Variants in MACF1 observed in about 807,000 individuals in gnomAD.
MACF1 encodes the protein microtubule actin crosslinking factor 1.
In MACF1, 193 loss-of-function variants were observed where a neutral mutation model predicts 854.8. The ratio of observed to expected loss-of-function variants is 0.23; its 90% CI spans 0.20 to 0.25. The LOEUF (loss-of-function observed/expected upper bound fraction) is 0.25, where lower values mean the gene tolerates loss of function less well. Among genes scored for constraint, MACF1 ranks in the 10% least tolerant of loss-of-function variants. The probability of loss-of-function intolerance (pLI) is 1.00; values close to 1 mark genes in which losing one functional copy is unlikely to be tolerated. For missense variants in MACF1, 7,722 were observed against 8,929.1 expected (o/e 0.86, Z 5.45); for synonymous variants, 3,185 against 3,226.7 (o/e 0.99, Z 0.44).
chr1:39,336,039 G>A lies in MACF1; in HGVS notation c.9451G>A (p.Val3151Ile). The A allele has an allele frequency of 6.2e-7, 1 of 1,614,042 alleles. No homozygotes were observed. The highest frequency in any genetic ancestry group is 8.5e-7 in the Non-Finnish European group (1 of 1,180,012). Residue 3151 changes from valine (V) to isoleucine (I), a missense_variant, in exon 37 of 101, where the codon GTT (valine) becomes ATT (isoleucine). Physicochemically the swap from Val to Ile is conservative, Grantham distance 29 (BLOSUM62 3). Around this residue, in one of 15 missense-constraint regions of MACF1, gnomAD observed 854 missense variants for 852.6 expected, o/e 1.00. Transcript: ENST00000564288. ...RQETNYQDSW[V>I]TSKTKETKHQ... ...GGAGACCAACTATCAAGATTCCTGG[G>A]TTACTTCGAAAACTAAGGAAACCAA...
chr1:39,158,290 G>C (rs910846037), intron 2 of MACF1, among the ~76,000 whole-genome samples: 1 of 152,136 alleles, frequency 6.6e-6, no homozygotes, highest in African/African-American at 2.4e-5. Flanking sequence ...CTCCCTGAAT[G>C]GTTGTGCTTT....
At chr1:39,395,041 C>T (rs1187371254) in intron 58 of MACF1, among the ~76,000 whole-genome samples, 3 of 146,452 alleles carry the variant, frequency 2.0e-5, no homozygotes, top group Non-Finnish European at 4.5e-5. Context: ...ATGGATTTCT[C>T]AATTTCGGCA....
rs375225796 is a variant in MACF1 at position 39,333,240 on chromosome 1, G to A, written c.6652G>A (p.Asp2218Asn). 7.4e-6 allele frequency: 12 copies of A among 1,613,384 alleles called. No individual in the cohort carries two copies. Among genetic ancestry groups the A allele is most frequent in the Non-Finnish European group, 9.3e-6 (11 of 1,179,904 alleles). The stretch of plus-strand genomic sequence containing the variant: ...AAAGTTAGAACTAAAGTCTGAAACT[G>A]ATGGGAATGTTCATCCTCTGGACAA... ...GIKLELKSET[D>N]GNVHPLDKKE... The change falls in exon 37 of 101, where the codon GAT becomes AAT. Residue 2218 changes from aspartate (D) to asparagine (N), a missense_variant. Asp to Asn is a conservative substitution (Grantham distance 23). Transcript: ENST00000564288.
Position 39,422,840 on chromosome 1 carries a change from C to T in MACF1, c.16089C>T (p.Ala5363=), listed in dbSNP as rs1470727626. ...SWLADTEELI[A]NQKPPSAEYK... is the part of the protein sequence containing the mutation. The stretch of plus-strand genomic sequence containing the variant: ...TGGCAGATACCGAGGAGCTCATAGC[C>T]AATCAGAAACCTCCATCTGCTGAGT... The change falls in exon 60 of 101, where the codon GCC becomes GCT. Residue 5363 remains alanine, a synonymous_variant. Transcript: ENST00000564288. The T allele has an allele frequency of 1.2e-6, 2 of 1,614,152 alleles. No homozygotes were observed. Among genetic ancestry groups the T allele is most frequent in the South Asian group, 1.1e-5 (1 of 91,086 alleles).
chr1:39,291,058 G>C (rs535741575), intron 15 of MACF1, among the ~76,000 whole-genome samples: 46 of 151,814 alleles, frequency 3.0e-4, no homozygotes, highest in African/African-American at 6.3e-4. Flanking sequence ...TGCAACCTCT[G>C]ACTCCTGGGT....
intron 97 of MACF1, among the ~76,000 whole-genome samples, chr1:39,474,784 C>T (rs1313194876): frequency 1.3e-5 from 2 of 152,140 alleles, no homozygotes; most frequent in Admixed American, 1.3e-4. Flanking sequence ...CAGAGTGAGA[C>T]TGTATCTCAA....
intron 83 of MACF1, 84 bp downstream of exon 83, chr1:39,448,236 T>C (rs1644266746): frequency 6.8e-7 from 1 of 1,469,256 alleles, no homozygotes; most frequent in Non-Finnish European, 9.2e-7. Flanking sequence ...TCAGAGCTAG[T>C]AAAAAGAAAA....
intron 1 of MACF1, among the ~76,000 whole-genome samples, chr1:39,205,711 T>C (rs1272659275): frequency 6.6e-6 from 1 of 152,216 alleles, no homozygotes; most frequent in Admixed American, 6.5e-5. Context: ...CTACACAGTT[T>C]GGCTATGTGT....
At position 39,335,401 on chromosome 1, in the gene MACF1, A is replaced by G. The variant is rs781370502; in HGVS notation, c.8813A>G (p.Asn2938Ser). 3.1e-6 allele frequency: 5 copies of G among 1,614,158 alleles called. No homozygotes were observed. Among genetic ancestry groups the G allele is most frequent in the Non-Finnish European group, 4.2e-6 (5 of 1,180,014 alleles). ...SCLDSEEIRE[N>S]QGEVILEVQE... The stretch of plus-strand genomic sequence containing the variant: ...CTAGATTCTGAAGAAATAAGAGAAA[A>G]TCAAGGGGAAGTGATTTTGGAAGTA... The change falls in exon 37 of 101, where the codon AAT (asparagine) becomes AGT (serine). Residue 2938 changes from asparagine (N) to serine (S), a missense_variant. By Grantham distance (46) the Asn-to-Ser change is conservative. Transcript: ENST00000564288.
chr1:39,365,130 G>A (rs1259539384), intron 49 of MACF1, among the ~76,000 whole-genome samples: 1 of 152,008 alleles, frequency 6.6e-6, no homozygotes, highest in Non-Finnish European at 1.5e-5. Context: ...AGGCTGGAGT[G>A]CAGTGGCACG....
chr1:39,480,125 G>A, intron 98 of MACF1, 116 bp downstream of exon 98: 1 of 912,244 alleles, frequency 1.1e-6, no homozygotes, highest in Non-Finnish European at 1.7e-6. Context: ...ATGAAAACAT[G>A]TTTTCTATTT....
At chr1:39,253,506 T>C (rs1645064581) in intron 4 of MACF1, among the ~76,000 whole-genome samples, 1 of 136,848 alleles carries the variant, frequency 7.3e-6, no homozygotes, top group African/African-American at 2.6e-5. Context: ...ATCAGCTATC[T>C]GTATTTTTTT....
intron 2 of MACF1, among the ~76,000 whole-genome samples, chr1:39,101,551 G>A (rs1336985692): frequency 6.6e-6 from 1 of 151,896 alleles, no homozygotes; most frequent in East Asian, 2.0e-4. Flanking sequence ...TTGGCTGGGT[G>A]CGGTGGCTCA....
rs746489068 is a variant in MACF1, at chr1:39,411,348, T to C, written c.15817-11026T>C. On this transcript the variant is annotated intron_variant, in intron 58 of 100. Transcript: ENST00000564288. ...AGAAGAACAGCCTGGCAGATATTTT[T>C]GAAGAAAGAGAACAAGCAAACACAG... 1.9e-6 allele frequency: 3 copies of C among 1,613,996 alleles called. No individual in the cohort carries two copies. The South Asian group carries it at 3.3e-5, about 18-fold the overall frequency.
At chr1:39,166,511 C>G (rs1305128580) in intron 2 of MACF1, among the ~76,000 whole-genome samples, 2 of 151,868 alleles carry the variant, frequency 1.3e-5, no homozygotes, top group Admixed American at 1.3e-4. Flanking sequence ...GGCTGGAGTG[C>G]AGTGGTGCGA....
intron 49 of MACF1, among the ~76,000 whole-genome samples, chr1:39,367,900 G>A (rs909420962): frequency 3.3e-5 from 5 of 151,694 alleles, no homozygotes; most frequent in Admixed American, 3.3e-4. Context: ...AACCCAGGAG[G>A]CGGAAGTTGC....
chr1:39,451,127 A>G lies in MACF1; in HGVS notation c.20334A>G (p.Leu6778=). The G allele has an allele frequency of 1.2e-6, 2 of 1,614,164 alleles. No individual in the cohort carries two copies. Among genetic ancestry groups the G allele is most frequent in the Non-Finnish European group, 1.7e-6 (2 of 1,180,022 alleles). Reference sequence around the variant, plus strand: ...CTTTGCAGGCATTGGTTGACTGGTTATACAAGGTGGAGCCACAGCTGGCTG... The same window carrying G: ...CTTTGCAGGCATTGGTTGACTGGTTGTACAAGGTGGAGCCACAGCTGGCTG... ...MDALQALVDW[L]YKVEPQLAED... The change falls in exon 85 of 101, where the codon TTA becomes TTG. Residue 6778 remains leucine (L), a synonymous_variant. Transcript: ENST00000564288.
chr1:39,461,764 C>T, intron 92 of MACF1, 119 bp from the exon 93 acceptor site: 1 of 749,288 alleles, frequency 1.3e-6, no homozygotes, highest in Non-Finnish European at 2.1e-6. Flanking sequence ...TGCACTCCAG[C>T]CTGGGCGACA....
chr1:39,241,046 A>G (rs990633280), intron 2 of MACF1, among the ~76,000 whole-genome samples: 1 of 148,294 alleles, frequency 6.7e-6, no homozygotes, highest in Admixed American at 6.7e-5. Flanking sequence ...GACAACTATA[A>G]TCTGTTTTTT....
Sources: allele counts gnomAD v4.1 joint callset (sites outside exome capture counted in the v4.1 genomes callset), GRCh38; gene constraint gnomAD v4.1.1; regional missense constraint gnomAD v4.1.1; transcripts MANE v1.5; gene names NCBI Gene and HGNC (gene_info 2026-07-23, HGNC 2026-07-21).